The following DHRS9 variants were observed in gnomAD, a reference collection of about 807,000 sequenced individuals.
The protein encoded by DHRS9 is dehydrogenase/reductase 9.
DHRS9 carries 18 observed loss-of-function variants against 26.6 expected under a neutral mutation model. The observed-to-expected ratio is 0.68, with a 90% CI of 0.47 to 1.00. The LOEUF (loss-of-function observed/expected upper bound fraction) is 1.00, where lower values mean the gene tolerates loss of function less well. DHRS9 is among the 50% of genes least tolerant of loss of function. The probability of loss-of-function intolerance (pLI) is 0.00; values close to 1 mark genes in which losing one functional copy is unlikely to be tolerated. For missense variants in DHRS9, 425 were observed against 378.7 expected (o/e 1.12, Z -1.01); for synonymous variants, 134 against 141.1 (o/e 0.95, Z 0.36).
upstream of DHRS9, chr2:169,069,456 C>T: frequency 2.0e-6 from 2 of 985,402 alleles, no homozygotes; most frequent in Non-Finnish European, 2.4e-6. Context: ...CCTACAGCTT[C>T]TTGGCTTTTA....
rs778271541 is a variant in DHRS9, at chr2:169,083,582, C to G, written c.567C>G (p.Ser189Arg). ...ATGCAGTGGAAGGTTTCAATGACAG[C>G]TTAAGGTAAATCAAATTAATCAACT... ...SKYAVEGFND[S>R]LRRDMKAFGV... is the part of the protein sequence containing the mutation. Residue 189 changes from serine to arginine, a missense_variant, in exon 3 of 5, where the codon AGC (serine) becomes AGG (arginine). Physicochemically the swap from Ser to Arg is moderately radical, Grantham distance 110. Coordinates refer to ENST00000674881, the MANE Select transcript of DHRS9 (RefSeq NM_001376924.1). The G allele has an allele frequency of 6.2e-7, 1 of 1,613,080 alleles. No individual in the cohort carries two copies.
intron 1 of DHRS9, among the ~76,000 whole-genome samples, chr2:169,079,972 AG>A (rs1684116339): frequency 7.9e-5 from 9 of 114,490 alleles, no homozygotes; most frequent in Non-Finnish European, 1.3e-4. Flanking sequence ...AGAGAGAGAG[AG>A]AGAGAGAGAG....
chr2:169,086,076 C>G (rs1269668685), intron 3 of DHRS9, among the ~76,000 whole-genome samples: 1 of 151,986 alleles, frequency 6.6e-6, no homozygotes, highest in Non-Finnish European at 1.5e-5. Flanking sequence ...ACTTTCTACC[C>G]CATCTCTCTC....
At chr2:169,069,042 T>C (rs1027515707), upstream of DHRS9, among the ~76,000 whole-genome samples, 18 of 152,196 alleles carry the variant, frequency 1.2e-4, no homozygotes, top group African/African-American at 4.1e-4. Context: ...AAGCTCTCCT[T>C]GTCATACCTT....
At chr2:169,076,299 A>G (rs1368150643) in intron 1 of DHRS9, among the ~76,000 whole-genome samples, 6 of 152,206 alleles carry the variant, frequency 3.9e-5, no homozygotes, top group African/African-American at 1.2e-4. Context: ...TCTATGTACT[A>G]GTGATGTATC....
At chr2:169,086,506 G>A (rs1447607803) in intron 3 of DHRS9, among the ~76,000 whole-genome samples, 1 of 148,782 alleles carries the variant, frequency 6.7e-6, no homozygotes, top group Non-Finnish European at 1.5e-5. Flanking sequence ...TCATTCATTT[G>A]GTGAGGTCCT....
At chr2:169,078,199 G>A (rs1281767470) in intron 1 of DHRS9, among the ~76,000 whole-genome samples, 6 of 152,170 alleles carry the variant, frequency 3.9e-5, no homozygotes, top group Non-Finnish European at 8.8e-5. Flanking sequence ...AACTCAAAAC[G>A]CTATTGAGAG....
At chr2:169,072,216 T>C (rs1380673844) in intron 1 of DHRS9, among the ~76,000 whole-genome samples, 1 of 152,178 alleles carries the variant, frequency 6.6e-6, no homozygotes, top group Non-Finnish European at 1.5e-5. Context: ...AAATCATTGC[T>C]CAATGTTTTC....
intron 1 of DHRS9, among the ~76,000 whole-genome samples, chr2:169,077,548 C>T (rs957711298): frequency 6.6e-6 from 1 of 151,918 alleles, no homozygotes; most frequent in African/African-American, 2.4e-5. Context: ...ACAAATACTA[C>T]TGCGGTTTGT....
Position 169,091,025 on chromosome 2 carries a change from G to A in DHRS9, c.573-765G>A, listed in dbSNP as rs551493876. Among the ~76,000 whole-genome samples the A allele has an allele frequency of 3.4e-4, 52 of 152,206 alleles. 1 individual carries two copies. The South Asian group carries it at 9.9e-3, about 29-fold the overall frequency. Reference sequence around the variant, plus strand: ...GGACGTTTAATGTAGGCTAGGCTAAGCCATGATGTTTGACAGGTTAGGTAT... The same window carrying A: ...GGACGTTTAATGTAGGCTAGGCTAAACCATGATGTTTGACAGGTTAGGTAT... On this transcript the variant is annotated intron_variant, in intron 3 of 4. Coordinates refer to ENST00000674881, the MANE Select transcript of DHRS9 (RefSeq NM_001376924.1).
At chr2:169,078,590 C>T (rs1175833632) in intron 1 of DHRS9, among the ~76,000 whole-genome samples, 22 of 152,138 alleles carry the variant, frequency 1.4e-4, no homozygotes, top group Non-Finnish European at 2.5e-4. Context: ...CATAATTATA[C>T]ATTTATAATG....
upstream of DHRS9, among the ~76,000 whole-genome samples, chr2:169,068,963 C>A (rs923496334): frequency 2.0e-5 from 3 of 152,168 alleles, no homozygotes; most frequent in Admixed American, 6.5e-5. Context: ...CTGACACAGA[C>A]AAACTCTGGG....
chr2:169,075,404 T>G (rs1683934885), intron 1 of DHRS9, among the ~76,000 whole-genome samples: 1 of 152,182 alleles, frequency 6.6e-6, no homozygotes, highest in African/African-American at 2.4e-5. Context: ...CTTAACTGTT[T>G]GAGAGTAAGT....
At chr2:169,074,227 A>C in intron 1 of DHRS9, 1 of 969,070 alleles carries the variant, frequency 1.0e-6, no homozygotes, top group Non-Finnish European at 1.2e-6. Flanking sequence ...GTACTCTCCA[A>C]GGTAGATGTT....
chr2:169,077,837 A>G (rs538092464), intron 1 of DHRS9, among the ~76,000 whole-genome samples: 1 of 152,150 alleles, frequency 6.6e-6, no homozygotes, highest in East Asian at 1.9e-4. Context: ...CCATTCCCTC[A>G]TCTACTTTCC....
intron 1 of DHRS9, chr2:169,081,255 G>A (rs552407862): frequency 1.2e-6 from 1 of 859,150 alleles, no homozygotes; most frequent in Non-Finnish European, 1.5e-6. Flanking sequence ...CAACTCAATG[G>A]CTTGTGTCAA....
chr2:169,078,840 T>TTTTTTTTTTTTTTTTTTTTTTTTTG lies in DHRS9; in HGVS notation c.-59-2682_-59-2681insTTTTTTTTTTTTTTTTTTTTTTTGT, dbSNP rs1553478929. ...CTTTTTTTTTTTTTTTTTTTTTTTT[T>TTTTTTTTTTTTTTTTTTTTTTTTTG]TGTGACAGAGTCTTGCACTGTCGCC... On this transcript the variant is annotated intron_variant, in intron 1 of 4. Coordinates refer to ENST00000674881, the MANE Select transcript of DHRS9 (RefSeq NM_001376924.1). Among the ~76,000 whole-genome samples, 6 of 137,356 alleles carry TTTTTTTTTTTTTTTTTTTTTTTTTG rather than the reference T, an allele frequency of 4.4e-5. 1 individual carries two copies. Among genetic ancestry groups the TTTTTTTTTTTTTTTTTTTTTTTTTG allele is most frequent in the African/African-American group, 1.8e-4 (6 of 33,822 alleles). The allele number at this position is 137,356 out of a possible 152,430, so 90.1% of individuals were successfully genotyped here.
chr2:169,071,063 CAA>C (rs568589600), intron 1 of DHRS9, among the ~76,000 whole-genome samples: 1 of 133,122 alleles, frequency 7.5e-6, no homozygotes. Context: ...GACTCCGTCT[CAA>C]AAAAAAAAAA....
upstream of DHRS9, chr2:169,069,342 G>A: frequency 1.2e-6 from 1 of 811,078 alleles, no homozygotes; most frequent in South Asian, 5.6e-5. Flanking sequence ...TGCTGAATTT[G>A]GTCAAGAGAT....
Sources: gnomAD v4.1 joint callset for allele counts (sites outside exome capture counted in the v4.1 genomes callset) on GRCh38, gnomAD v4.1.1 for gene constraint, MANE v1.5 for transcripts, NCBI Gene and HGNC (gene_info 2026-07-23, HGNC 2026-07-21) for gene names.